ACOXL: variants seen among roughly 807,000 people sequenced by gnomAD.
ACOXL encodes the protein acyl-coenzyme A oxidase-like protein.
In ACOXL, 70 loss-of-function variants were observed where a neutral mutation model predicts 71.9. That is an observed-to-expected ratio of 0.97 (90% CI 0.80 to 1.19). ACOXL has a LOEUF of 1.19. Among genes scored for constraint, ACOXL ranks in the 50% most tolerant of loss-of-function variants. ACOXL has a pLI of 0.00. For synonymous variants in ACOXL, 253 were observed against 281.6 expected, an observed-to-expected ratio of 0.90 and a Z score of 1.02; for missense variants, 703 against 736.3, an observed-to-expected ratio of 0.95 and a Z score of 0.52.
chr2:110,959,309 G>A lies in ACOXL; in HGVS notation c.1059+25667G>A, dbSNP rs938094110. 5.9e-5 allele frequency among the ~76,000 whole-genome samples: 9 copies of A among 152,166 alleles called. 1 individual carries two copies. The highest frequency in any genetic ancestry group is 1.9e-4 in the African/African-American group (8 of 41,434). ...CTTGGCCCAGCTCCCCTGGGGCCTC[G>A]GGTGATATTCAGCTTCAGAAGTCCT... is the stretch of plus-strand genomic sequence containing the variant. On this transcript the variant is annotated intron_variant, in intron 12 of 17. Transcript: ENST00000439055.
chr2:110,805,197 C>A, intron 8 of ACOXL, 66 bp from the exon 9 acceptor site: 1 of 1,596,894 alleles, frequency 6.3e-7, no homozygotes, highest in Non-Finnish European at 8.5e-7. Flanking sequence ...ATGGGAGCCA[C>A]CTGACTTCGT....
chr2:110,950,291 G>A (rs2061279220), intron 12 of ACOXL, among the ~76,000 whole-genome samples: 1 of 152,080 alleles, frequency 6.6e-6, no homozygotes, highest in Non-Finnish European at 1.5e-5. Context: ...AGGTTAGTAG[G>A]TCCTATCTTG....
At chr2:110,942,955 GAAAGA>G (rs1470516959) in intron 12 of ACOXL, among the ~76,000 whole-genome samples, 2 of 109,960 alleles carry the variant, frequency 1.8e-5, no homozygotes, top group African/African-American at 3.4e-5. Context: ...AAAGAAAGAA[GAAAGA>G]AAAGAAAAAA....
rs397975396 is a variant in ACOXL, at chr2:110,768,513, T to TGTGTGTGTGTGTGA, written c.75+50_75+51insTGTGTGTGTGTGAG. The TGTGTGTGTGTGTGA allele has an allele frequency of 3.4e-4, 315 of 929,774 alleles. 2 individuals carry two copies. In the African/African-American group the frequency reaches 5.3e-3, roughly 16 times the overall value. The allele number at this position is 929,774 out of a possible 1,614,324, so 57.6% of individuals were successfully genotyped here. On this transcript the variant is annotated intron_variant, in intron 2 of 17. Transcript: ENST00000439055. ...ATGGTTGTGTGTGTGTGTGTGTGTG[T>TGTGTGTGTGTGTGA]GAGAGAGAGAGAGAGAGAGAGAGAG...
intron 16 of ACOXL, among the ~76,000 whole-genome samples, chr2:111,069,485 A>G (rs541516781): frequency 3.3e-5 from 5 of 152,252 alleles, no homozygotes; most frequent in Non-Finnish European, 1.5e-5. Context: ...GTTATTTTGG[A>G]TTAGGGCCTC....
At chr2:111,024,328 T>G (rs1291787790) in intron 14 of ACOXL, among the ~76,000 whole-genome samples, 1 of 151,876 alleles carries the variant, frequency 6.6e-6, no homozygotes, top group Non-Finnish European at 1.5e-5. Context: ...CACACTGGAG[T>G]AGGGTGGGCT....
At chr2:110,813,206 C>T (rs2105436892) in intron 9 of ACOXL, among the ~76,000 whole-genome samples, 1 of 152,292 alleles carries the variant, frequency 6.6e-6, no homozygotes, top group South Asian at 2.1e-4. Context: ...CATCTCTCCC[C>T]ATTTGATGTG....
intron 9 of ACOXL, among the ~76,000 whole-genome samples, chr2:110,838,105 A>G (rs1202270952): frequency 6.6e-6 from 1 of 152,176 alleles, no homozygotes; most frequent in Non-Finnish European, 1.5e-5. Context: ...GTATGCACCT[A>G]TATATGAGTG....
intron 10 of ACOXL, 60 bp from the exon 11 acceptor site, chr2:110,908,729 A>G (rs960484439): frequency 3.2e-5 from 43 of 1,342,738 alleles, no homozygotes; most frequent in Non-Finnish European, 4.3e-5. Flanking sequence ...TAGCTCTGGA[A>G]ATGAAGTTAC....
chr2:111,077,221 A>T (rs986054112), intron 16 of ACOXL, among the ~76,000 whole-genome samples: 10 of 152,150 alleles, frequency 6.6e-5, no homozygotes, highest in African/African-American at 2.4e-4. Flanking sequence ...CTCTTTGCAT[A>T]TGTGTTTTTC....
At chr2:110,991,401 T>C (rs1040369357) in intron 13 of ACOXL, among the ~76,000 whole-genome samples, 2 of 152,200 alleles carry the variant, frequency 1.3e-5, no homozygotes, top group Non-Finnish European at 2.9e-5. Flanking sequence ...ACCTTTCTTT[T>C]CTATTTCATT....
chr2:110,879,844 T>C (rs1696398986), intron 10 of ACOXL, among the ~76,000 whole-genome samples: 1 of 151,566 alleles, frequency 6.6e-6, no homozygotes, highest in South Asian at 2.1e-4. Context: ...GGAAAAGACA[T>C]AGATTGAAAG....
rs1261900384 is a variant in ACOXL at position 110,832,365 on chromosome 2, C to G, written c.754-9006C>G. ...CATCCTGGCTAACAAGGTGAAACCC[C>G]GTCTCTACTAAAAATACAAAAAATT... On this transcript the variant is annotated intron_variant, in intron 9 of 17. Transcript: ENST00000439055. 2.0e-5 allele frequency among the ~76,000 whole-genome samples: 3 copies of G among 151,704 alleles called. No individual in the cohort carries two copies. In the East Asian group the frequency reaches 5.8e-4, roughly 29 times the overall value.
intron 5 of ACOXL, 42 bp from the exon 6 acceptor site, chr2:110,798,568 C>G (rs200694781): frequency 6.6e-7 from 1 of 1,519,592 alleles, no homozygotes; most frequent in African/African-American, 1.4e-5. Context: ...TTGAAATGAG[C>G]CATGGGAAGG....
chr2:110,926,334 G>A (rs2060269943), intron 11 of ACOXL, among the ~76,000 whole-genome samples: 1 of 152,136 alleles, frequency 6.6e-6, no homozygotes, highest in African/African-American at 2.4e-5. Context: ...AATTAAATGA[G>A]GTATTTCTGC....
intron 10 of ACOXL, among the ~76,000 whole-genome samples, chr2:110,847,296 CA>C (rs1225962069): frequency 6.6e-6 from 1 of 152,090 alleles, no homozygotes; most frequent in Non-Finnish European, 1.5e-5. Context: ...GCCCCTGGGC[CA>C]AGATAAAAGA....
intron 17 of ACOXL, 124 bp from the exon 18 acceptor site, chr2:111,117,492 C>T: frequency 9.9e-7 from 1 of 1,012,644 alleles, no homozygotes. Context: ...ACAGGAGAAT[C>T]CAAAGGGAAA....
chr2:111,021,083 A>T (rs1030482451), intron 14 of ACOXL, among the ~76,000 whole-genome samples: 1 of 152,148 alleles, frequency 6.6e-6, no homozygotes, highest in African/African-American at 2.4e-5. Context: ...CACCTGCTCC[A>T]CCTTGCAGAA....
intron 16 of ACOXL, among the ~76,000 whole-genome samples, chr2:111,079,754 A>G (rs575217759): frequency 6.6e-6 from 1 of 152,084 alleles, no homozygotes; most frequent in South Asian, 2.1e-4. Flanking sequence ...TCAGTGAAAG[A>G]GATGGGGGAA....
Sources: allele counts gnomAD v4.1 joint callset (sites outside exome capture counted in the v4.1 genomes callset), GRCh38; gene constraint gnomAD v4.1.1; transcripts MANE v1.5; gene names NCBI Gene and HGNC (gene_info 2026-07-23, HGNC 2026-07-21).